The following AGO3 variants were observed in gnomAD, a reference collection of about 807,000 sequenced individuals.
AGO3 encodes argonaute RISC catalytic component 3.
A neutral mutation model predicts 105.5 loss-of-function variants in AGO3; 16 were observed. The observed-to-expected ratio is 0.15, with a 90% CI of 0.10 to 0.23. The LOEUF (loss-of-function observed/expected upper bound fraction) is 0.23. Ranked by LOEUF, AGO3 falls within the 10% of genes least tolerant of loss-of-function variation. The pLI is 1.00. For synonymous variants in AGO3, 340 were observed against 367.3 expected, an observed-to-expected ratio of 0.93 and a Z score of 0.85; for missense variants, 534 against 1,088.0, an observed-to-expected ratio of 0.49 and a Z score of 7.16.
chr1:36,040,054 C>T, intron 15 of AGO3, 70 bp downstream of exon 15: 2 of 1,465,722 alleles, frequency 1.4e-6, no homozygotes, highest in Non-Finnish European at 1.8e-6. Flanking sequence ...GTGTCTAGTT[C>T]TAGAGTTAAA....
chr1:36,030,757 G>C (rs1467152624), intron 12 of AGO3, among the ~76,000 whole-genome samples: 4 of 152,082 alleles, frequency 2.6e-5, no homozygotes, highest in African/African-American at 9.7e-5. Flanking sequence ...GGGATTACAG[G>C]CATGTGCCAC....
chr1:36,039,575 G>A (rs1190766239), intron 14 of AGO3, among the ~76,000 whole-genome samples: 1 of 151,102 alleles, frequency 6.6e-6, no homozygotes, highest in African/African-American at 2.4e-5. Context: ...TTAAATTCCT[G>A]GGCACAAGTG....
intron 17 of AGO3, among the ~76,000 whole-genome samples, chr1:36,048,180 C>T (rs562163212): frequency 1.4e-4 from 22 of 151,902 alleles, no homozygotes; most frequent in Non-Finnish European, 2.6e-4. Flanking sequence ...GCCAAGAATG[C>T]TGTACCCAGT....
Position 36,061,739 on chromosome 1 carries a change from A to AT in AGO3, c.*6000dup, listed in dbSNP as rs1643029663. On this transcript the variant is annotated 3_prime_UTR_variant, in exon 19 of 19. Transcript: ENST00000373191. ...GACTCTTGAGTTAAATTTTTTAATC[A>AT]TTTTTTAAAGCAAGGCGGTTCTTAG... 1 of 152,178 alleles carries AT rather than the reference A, an allele frequency of 6.6e-6. No individual in the cohort carries two copies. The highest frequency in any genetic ancestry group is 6.5e-5 in the Admixed American group (1 of 15,268). 9.4% of individuals were successfully genotyped at this position (152,178 alleles called of 1,614,324 possible).
At chr1:35,939,397 T>C (rs144194768) in intron 1 of AGO3, among the ~76,000 whole-genome samples, 1 of 152,276 alleles carries the variant, frequency 6.6e-6, no homozygotes, top group Non-Finnish European at 1.5e-5. Flanking sequence ...TATGATATAG[T>C]GTAAAAAACA....
intron 17 of AGO3, among the ~76,000 whole-genome samples, chr1:36,054,298 A>C (rs989627433): frequency 3.3e-5 from 5 of 151,956 alleles, no homozygotes; most frequent in Non-Finnish European, 7.4e-5. Context: ...ATTGAGACAA[A>C]GTTTCACTAT....
intron 13 of AGO3, 124 bp from the exon 14 acceptor site, chr1:36,036,053 A>C (rs1016602353): frequency 6.5e-6 from 4 of 612,544 alleles, no homozygotes; most frequent in Non-Finnish European, 1.0e-5. Flanking sequence ...AAAAAAAAAA[A>C]TTTGGATTAC....
chr1:35,980,815 A>T (rs901908545), intron 5 of AGO3, among the ~76,000 whole-genome samples: 2 of 152,228 alleles, frequency 1.3e-5, no homozygotes, highest in Non-Finnish European at 2.9e-5. Context: ...AAGTGACATC[A>T]GTAAAATTAC....
chr1:35,981,248 A>G (rs1190209161), intron 5 of AGO3, among the ~76,000 whole-genome samples: 1 of 152,100 alleles, frequency 6.6e-6, no homozygotes, highest in African/African-American at 2.4e-5. Flanking sequence ...TTGTATGTAT[A>G]CTTACCACTT....
chr1:36,036,938 C>T (rs1642037145), intron 14 of AGO3, among the ~76,000 whole-genome samples: 2 of 152,068 alleles, frequency 1.3e-5, no homozygotes, highest in Admixed American at 1.3e-4. Context: ...TCGGTCAGTC[C>T]ACCTGCTTCG....
At chr1:35,947,093 A>G (rs1010712862) in intron 2 of AGO3, among the ~76,000 whole-genome samples, 7 of 152,020 alleles carry the variant, frequency 4.6e-5, no homozygotes, top group African/African-American at 1.7e-4. Context: ...AATAACATAC[A>G]TATAATTTTA....
intron 1 of AGO3, among the ~76,000 whole-genome samples, chr1:35,941,177 A>G (rs1646246680): frequency 6.6e-6 from 1 of 152,156 alleles, no homozygotes; most frequent in Non-Finnish European, 1.5e-5. Context: ...TGTACAGACC[A>G]AAAAACCTTG....
chr1:35,992,688 A>G (rs1032776260), intron 5 of AGO3, among the ~76,000 whole-genome samples: 2 of 152,242 alleles, frequency 1.3e-5, no homozygotes, highest in Non-Finnish European at 2.9e-5. Context: ...GACATAGCAT[A>G]TACTTAATAA....
intron 5 of AGO3, among the ~76,000 whole-genome samples, chr1:35,978,569 T>TA (rs1406708284): frequency 1.3e-5 from 2 of 152,028 alleles, no homozygotes; most frequent in Non-Finnish European, 2.9e-5. Context: ...CATTTGAAAA[T>TA]ATATCTGCCA....
chr1:36,048,531 T>C (rs559955489), intron 17 of AGO3, among the ~76,000 whole-genome samples: 1 of 152,040 alleles, frequency 6.6e-6, no homozygotes, highest in African/African-American at 2.4e-5. Flanking sequence ...ATTCAAACCT[T>C]GTTGCTCTAC....
rs985877479 is a variant in AGO3 at position 36,072,500 on chromosome 1, A to T, written c.*16755A>T. On this transcript the variant is annotated 3_prime_UTR_variant, in exon 19 of 19. Coordinates refer to ENST00000373191, the MANE Select transcript of AGO3 (RefSeq NM_024852.4). ...ATAAAAAGAAAAGCTTTGCTCTTAA[A>T]CTTTCTCTTGTGTGGTCATCATTAC... 2.0e-5 allele frequency: 3 copies of T among 152,218 alleles called. No individual in the cohort carries two copies. The highest frequency in any genetic ancestry group is 4.4e-5 in the Non-Finnish European group (3 of 68,048). 9.4% of individuals were successfully genotyped at this position (152,218 alleles called of 1,614,324 possible).
intron 13 of AGO3, among the ~76,000 whole-genome samples, 197 bp downstream of exon 13, chr1:36,034,530 C>T (rs1023956153): frequency 6.6e-6 from 1 of 152,080 alleles, no homozygotes; most frequent in African/African-American, 2.4e-5. Context: ...ATGCCCCCCA[C>T]AATTTTATTT....
At position 36,069,480 on chromosome 1, in the gene AGO3, G is replaced by C. The variant is rs1430750176; in HGVS notation, c.*13735G>C. ...TTCAGACGTTCAAGATAATAGAAGA[G>C]TGTTGTGTGAAGGATTCCTTTCCAG... On this transcript the variant is annotated 3_prime_UTR_variant, in exon 19 of 19. Coordinates refer to ENST00000373191, the MANE Select transcript of AGO3 (RefSeq NM_024852.4). 1 of 152,216 alleles carries C rather than the reference G, an allele frequency of 6.6e-6. No individual in the cohort carries two copies. The highest frequency in any genetic ancestry group is 2.4e-5 in the African/African-American group (1 of 41,446). 9.4% of individuals were successfully genotyped at this position (152,216 alleles called of 1,614,324 possible).
intron 2 of AGO3, among the ~76,000 whole-genome samples, chr1:35,950,782 C>G (rs1053015231): frequency 6.6e-6 from 1 of 151,968 alleles, no homozygotes; most frequent in Non-Finnish European, 1.5e-5. Context: ...TGTCCAACCT[C>G]TAAATACACC....
Sources: allele counts gnomAD v4.1 joint callset (sites outside exome capture counted in the v4.1 genomes callset), GRCh38; gene constraint gnomAD v4.1.1; transcripts MANE v1.5; gene names NCBI Gene and HGNC (gene_info 2026-07-23, HGNC 2026-07-21).